The following ZBTB8OS variants were observed in gnomAD, a reference collection of about 807,000 sequenced individuals.
The protein encoded by ZBTB8OS is tRNA-splicing ligase-activating factor archease.
ZBTB8OS carries 16 observed loss-of-function variants against 29.3 expected under a neutral mutation model. The ratio of observed to expected loss-of-function variants is 0.55; its 90% CI spans 0.37 to 0.83. ZBTB8OS has a LOEUF of 0.83. Among genes scored for constraint, ZBTB8OS ranks in the 40% least tolerant of loss-of-function variants. The pLI is 0.00. For synonymous variants in ZBTB8OS, 70 were observed against 64.6 expected (o/e 1.08, Z -0.40); for missense variants, 160 against 196.9 (o/e 0.81, Z 1.12).
intron 6 of ZBTB8OS, among the ~76,000 whole-genome samples, chr1:32,624,401 A>AT (rs1291411332): frequency 1.3e-5 from 2 of 152,182 alleles, no homozygotes; most frequent in Non-Finnish European, 2.9e-5. Context: ...CCTCGAGTGC[A>AT]TAAAAAAAAG....
chr1:32,644,010 G>A (rs1036837038), intron 1 of ZBTB8OS, among the ~76,000 whole-genome samples: 80 of 151,648 alleles, frequency 5.3e-4, no homozygotes, highest in Admixed American at 3.0e-3. Flanking sequence ...AAATTCTCTC[G>A]GCCCCAAGGA....
At chr1:32,649,629 TAA>T (rs143048014) in intron 1 of ZBTB8OS, among the ~76,000 whole-genome samples, 90,383 of 132,216 alleles carry the variant, frequency 0.68, 32,510 homozygotes, top group Non-Finnish European at 0.79. Context: ...ACCCCATCTC[TAA>T]AAACACACAC....
rs1161256877 is a variant in ZBTB8OS at position 32,621,185 on chromosome 1, G to T, written c.*677C>A. 1 of 152,196 alleles carries T rather than the reference G, an allele frequency of 6.6e-6. No homozygotes were observed. Among genetic ancestry groups the T allele is most frequent in the Non-Finnish European group, 1.5e-5 (1 of 68,054 alleles). 9.4% of individuals were successfully genotyped at this position (152,196 alleles called of 1,614,324 possible). On this transcript the variant is annotated 3_prime_UTR_variant, in exon 7 of 7. Transcript: ENST00000468695. The stretch of plus-strand genomic sequence containing the variant: ...GGAGGCCAAGGTGGGCGGATCACAA[G>T]GTCAGGAGATCAAGACCATCCTAGC...
chr1:32,626,165 G>A (rs927278011), intron 6 of ZBTB8OS, among the ~76,000 whole-genome samples: 4 of 152,106 alleles, frequency 2.6e-5, no homozygotes, highest in Non-Finnish European at 4.4e-5. Context: ...GAACCACCAC[G>A]CCGGGCCTAT....
chr1:32,627,388 A>C, intron 6 of ZBTB8OS, 120 bp downstream of exon 6: 1 of 846,372 alleles, frequency 1.2e-6, no homozygotes, highest in Non-Finnish European at 1.9e-6. Flanking sequence ...AGGTCAGAGA[A>C]GCTTGAGAAA....
chr1:32,646,639 AAAGTT>A (rs1373500546), intron 1 of ZBTB8OS, among the ~76,000 whole-genome samples: 1 of 151,584 alleles, frequency 6.6e-6, no homozygotes, highest in Non-Finnish European at 1.5e-5. Context: ...CCGCCGGCCA[AAAGTT>A]CTATTTTCAA....
chr1:32,637,438 C>G (rs944129171), intron 1 of ZBTB8OS, among the ~76,000 whole-genome samples: 1 of 151,826 alleles, frequency 6.6e-6, no homozygotes, highest in Non-Finnish European at 1.5e-5. Flanking sequence ...CGTGGTGGCA[C>G]CCGCCTGTAG....
At chr1:32,646,345 T>TTTC (rs1436711304) in intron 1 of ZBTB8OS, among the ~76,000 whole-genome samples, 1 of 151,974 alleles carries the variant, frequency 6.6e-6, no homozygotes, top group East Asian at 1.9e-4. Context: ...GATTTTTTTT[T>TTTC]CTTGGTATCT....
intron 6 of ZBTB8OS, among the ~76,000 whole-genome samples, chr1:32,624,880 T>C (rs1260582990): frequency 3.5e-5 from 5 of 144,136 alleles, no homozygotes. Context: ...GGCAACAGAG[T>C]AAGACTCCAT....
intron 1 of ZBTB8OS, among the ~76,000 whole-genome samples, chr1:32,645,775 C>G (rs1646784104): frequency 6.6e-6 from 1 of 152,140 alleles, no homozygotes; most frequent in African/African-American, 2.4e-5. Context: ...GGACTACAGG[C>G]TGGGGCCAGT....
At chr1:32,640,613 C>T (rs1265988944) in intron 1 of ZBTB8OS, among the ~76,000 whole-genome samples, 7 of 152,080 alleles carry the variant, frequency 4.6e-5, no homozygotes, top group Non-Finnish European at 8.8e-5. Flanking sequence ...CTCCAAGGTC[C>T]AAGTGATACT....
At chr1:32,646,549 G>C (rs1041727579) in intron 1 of ZBTB8OS, among the ~76,000 whole-genome samples, 1 of 151,060 alleles carries the variant, frequency 6.6e-6, no homozygotes, top group East Asian at 2.0e-4. Context: ...CACCTCGCCC[G>C]GCTAATTTTT....
At chr1:32,634,992 G>T (rs12026092) in intron 1 of ZBTB8OS, among the ~76,000 whole-genome samples, 200 bp from the exon 2 acceptor site, 17,888 of 145,328 alleles carry the variant, frequency 0.12, 2,042 homozygotes, top group African/African-American at 0.3. Flanking sequence ...TTTTTTTTTT[G>T]CGGGGACAGA....
chr1:32,638,230 CTTTT>C (rs760775116), intron 1 of ZBTB8OS, among the ~76,000 whole-genome samples: 4 of 102,150 alleles, frequency 3.9e-5, no homozygotes, highest in African/African-American at 1.2e-4. Flanking sequence ...CTCCAGAATT[CTTTT>C]TTTTTTTTTT....
At chr1:32,631,361 AAAAAAAAAG>A (rs1293561296) in intron 5 of ZBTB8OS, among the ~76,000 whole-genome samples, 4 of 151,724 alleles carry the variant, frequency 2.6e-5, no homozygotes, top group African/African-American at 9.7e-5. Flanking sequence ...TATCAAAAAA[AAAAAAAAAG>A]AAAAAAAAGA....
chr1:32,641,029 T>A (rs1181044069), intron 1 of ZBTB8OS, among the ~76,000 whole-genome samples: 1 of 35,598 alleles, frequency 2.8e-5, no homozygotes, highest in Non-Finnish European at 6.3e-5. Flanking sequence ...AAAAATTAGC[T>A]GGGCATGGTG....
At position 32,633,686 on chromosome 1, in the gene ZBTB8OS, A is replaced by C. The variant is rs763017545; in HGVS notation, c.286T>G (p.Trp96Gly). 2.5e-6 allele frequency: 4 copies of C among 1,610,662 alleles called. No homozygotes were observed. Among genetic ancestry groups the C allele is most frequent in the Non-Finnish European group, 3.4e-6 (4 of 1,179,212 alleles). Reference protein sequence around the residue: ...QSLLFHFLDEWLYKFSADEFF... With the variant: ...QSLLFHFLDEGLYKFSADEFF... ...TCATCAGCACTGAACTTATAAAGCC[A>C]TTCATCCAAAAAGTGAAACAGAAGA... Residue 96 changes from tryptophan to glycine, a missense_variant, in exon 4 of 7, where the codon TGG becomes GGG. Trp to Gly is a radical substitution (Grantham distance 184, BLOSUM62 -2). Transcript: ENST00000468695.
intron 5 of ZBTB8OS, 40 bp from the exon 6 acceptor site, chr1:32,627,584 CTCTTTA>C: frequency 1.3e-6 from 2 of 1,591,030 alleles, no homozygotes; most frequent in Non-Finnish European, 1.7e-6. Flanking sequence ...GATTTGTTCT[CTCTTTA>C]TATGTTTTAA....
rs963350154 is a variant in ZBTB8OS at position 32,633,952 on chromosome 1, T to C, written c.243A>G (p.Gln81=). The C allele has an allele frequency of 3.2e-6, 5 of 1,572,008 alleles. No individual in the cohort carries two copies. Among genetic ancestry groups the C allele is most frequent in the East Asian group, 2.2e-5 (1 of 44,494 alleles). Residue 81 remains glutamine, a splice_region_variant and synonymous_variant, in exon 3 of 7, where the codon CAA becomes CAG. Transcript: ENST00000468695. ...EPLQTVEVET[Q]GDDLQSLLFH... is the part of the protein sequence containing the mutation. Reference sequence around the variant, plus strand: ...CTTCCTTGTGAATAAATCATTTACCTTGGGTTTCTACTTCTACTGTTTGGA... The same window carrying C: ...CTTCCTTGTGAATAAATCATTTACCCTGGGTTTCTACTTCTACTGTTTGGA...
Sources: allele counts gnomAD v4.1 joint callset (sites outside exome capture counted in the v4.1 genomes callset), GRCh38; gene constraint gnomAD v4.1.1; transcripts MANE v1.5; gene names NCBI Gene and HGNC (gene_info 2026-07-23, HGNC 2026-07-21).